PHC2: variants seen among roughly 807,000 people sequenced by gnomAD.
The protein encoded by PHC2 is polyhomeotic homolog 2.
In PHC2, 29 loss-of-function variants were observed where a neutral mutation model predicts 87.4. The observed-to-expected ratio is 0.33, with a 90% CI of 0.25 to 0.45. The LOEUF (loss-of-function observed/expected upper bound fraction) is 0.45, where lower values mean the gene tolerates loss of function less well. Ranked by LOEUF, PHC2 falls within the 20% of genes least tolerant of loss-of-function variation. The pLI is 1.00. For synonymous variants in PHC2, 438 were observed against 461.7 expected (o/e 0.95, Z 0.66); for missense variants, 857 against 1,136.7 (o/e 0.75, Z 3.54).
chr1:33,352,445 G>A (rs577929867), intron 9 of PHC2, among the ~76,000 whole-genome samples: 25 of 152,232 alleles, frequency 1.6e-4, no homozygotes, highest in Admixed American at 7.8e-4. Flanking sequence ...ACCTCAGAGG[G>A]TTATTGTCAG....
chr1:33,341,071 G>T (rs1646735895), intron 9 of PHC2, among the ~76,000 whole-genome samples: 3 of 152,118 alleles, frequency 2.0e-5, no homozygotes, highest in South Asian at 2.1e-4. Flanking sequence ...GTCACAAAAG[G>T]TCACAAAAAA....
intron 1 of PHC2, among the ~76,000 whole-genome samples, chr1:33,383,964 A>G (rs1222469369): frequency 6.6e-6 from 1 of 152,158 alleles, no homozygotes; most frequent in Non-Finnish European, 1.5e-5. Context: ...GAACGGTAAC[A>G]TGATACATTT....
chr1:33,365,605 T>C (rs1391072924), intron 7 of PHC2, among the ~76,000 whole-genome samples: 1 of 152,226 alleles, frequency 6.6e-6, no homozygotes, highest in Non-Finnish European at 1.5e-5. Flanking sequence ...TCACTTTCTT[T>C]TTCCATAAAA....
intron 1 of PHC2, among the ~76,000 whole-genome samples, chr1:33,410,347 C>T (rs1649932635): frequency 6.6e-6 from 1 of 152,180 alleles, no homozygotes. Flanking sequence ...GAAGCCAGAG[C>T]CTCACTCCAT....
intron 4 of PHC2, 32 bp from the exon 5 acceptor site, chr1:33,370,617 G>A (rs1198387208): frequency 6.3e-7 from 1 of 1,589,140 alleles, no homozygotes; most frequent in South Asian, 1.1e-5. Context: ...GTAGGAGATA[G>A]GAGGTTCTGT....
chr1:33,356,874 G>C (rs1307020311), intron 7 of PHC2, among the ~76,000 whole-genome samples: 1 of 152,026 alleles, frequency 6.6e-6, no homozygotes, highest in South Asian at 2.1e-4. Flanking sequence ...CGGCCAGGCA[G>C]AGGCGCCCCC....
chr1:33,410,460 T>C (rs1029706623), intron 1 of PHC2, among the ~76,000 whole-genome samples: 2 of 152,022 alleles, frequency 1.3e-5, no homozygotes, highest in Non-Finnish European at 2.9e-5. Flanking sequence ...TGTAAAAGAG[T>C]TGATGAGAGC....
intron 1 of PHC2, among the ~76,000 whole-genome samples, chr1:33,427,238 C>T (rs1160250374): frequency 6.6e-6 from 1 of 152,160 alleles, no homozygotes; most frequent in East Asian, 1.9e-4. Flanking sequence ...TAGCACGATG[C>T]CTAGCACATA....
At chr1:33,409,165 G>GT (rs1438010913) in intron 1 of PHC2, among the ~76,000 whole-genome samples, 1 of 152,088 alleles carries the variant, frequency 6.6e-6, no homozygotes, top group Non-Finnish European at 1.5e-5. Context: ...TTTTACATAG[G>GT]TTTTAACCCA....
chr1:33,380,027 C>A (rs563718004), intron 1 of PHC2, among the ~76,000 whole-genome samples: 22 of 152,338 alleles, frequency 1.4e-4, no homozygotes, highest in African/African-American at 5.3e-4. Context: ...TCTCTTACTT[C>A]TTGGATAGTG....
At chr1:33,351,882 G>A (rs1051750108) in intron 9 of PHC2, among the ~76,000 whole-genome samples, 4 of 150,082 alleles carry the variant, frequency 2.7e-5, no homozygotes, top group African/African-American at 7.3e-5. Context: ...AACCCGGGAG[G>A]TGTAGATTGC....
At position 33,329,100 on chromosome 1, in the gene PHC2, G is replaced by T. The variant is rs750569019; in HGVS notation, c.2195C>A (p.Thr732Lys). 1.2e-6 allele frequency: 2 copies of T among 1,614,186 alleles called. No homozygotes were observed. Among genetic ancestry groups the T allele is most frequent in the Admixed American group, 3.3e-5 (2 of 60,030 alleles). ...PLSVTAALQL[T>K]HSQEDSSRCS... is the part of the protein sequence containing the mutation. ...ACGGCTGGAGTCTTCCTGGCTGTGT[G>T]TTAGCTGCAAAGCAGCAGTAACCGA... is the stretch of plus-strand genomic sequence containing the variant. The change falls in exon 14 of 15, where the codon ACA becomes AAA. Residue 732 changes from threonine (T) to lysine (K), a missense_variant. Thr to Lys is a moderately conservative substitution (Grantham distance 78, BLOSUM62 -1). Transcript: ENST00000683057.
chr1:33,343,387 T>C (rs569184702), intron 9 of PHC2, among the ~76,000 whole-genome samples: 83 of 150,122 alleles, frequency 5.5e-4, no homozygotes, highest in Non-Finnish European at 1.0e-3. Flanking sequence ...GGAGAATTGC[T>C]TGAACCCTGG....
chr1:33,420,888 G>A (rs181967676), intron 1 of PHC2, among the ~76,000 whole-genome samples: 27 of 152,308 alleles, frequency 1.8e-4, no homozygotes, highest in Admixed American at 1.0e-3. Context: ...TGTGTTTACA[G>A]GTGTAAGCCA....
chr1:33,413,799 T>G (rs946090894), intron 1 of PHC2, among the ~76,000 whole-genome samples: 1 of 152,198 alleles, frequency 6.6e-6, no homozygotes, highest in African/African-American at 2.4e-5. Flanking sequence ...ATGTAAACCA[T>G]GAACTTCAAA....
chr1:33,375,435 A>ACCACTG lies in PHC2; in HGVS notation c.99_104dup (p.Ser34_Gly35dup), dbSNP rs745890317. 6.8e-6 allele frequency: 11 copies of ACCACTG among 1,612,092 alleles called. No homozygotes were observed. In the South Asian group the frequency reaches 1.2e-4, roughly 18 times the overall value. On this transcript the variant is annotated inframe_insertion, in exon 2 of 15. Transcript: ENST00000683057. ...GGGGCCCGGTGGGGCGGCCACTTCC[A>ACCACTG]CCACTGCTGCTGTTGTTGCAGCCAC...
rs1646327841 is a variant in PHC2 at position 33,324,380 on chromosome 1, G to C, written c.*485C>G. The C allele has an allele frequency of 6.5e-6, 1 of 153,366 alleles. No homozygotes were observed. Among genetic ancestry groups the C allele is most frequent in the South Asian group, 2.0e-4 (1 of 4,930 alleles). 9.5% of individuals were successfully genotyped at this position (153,366 alleles called of 1,614,324 possible). A position where few individuals can be genotyped will look rare whatever the true frequency, so the allele number is the denominator to read the frequency against. On this transcript the variant is annotated 3_prime_UTR_variant, in exon 15 of 15. Coordinates refer to ENST00000683057, the MANE Select transcript of PHC2 (RefSeq NM_001385109.1). ...CAGAGGGTGTAGGGGGGAGAACCCT[G>C]GCTGCTGCAGAAACAGGCTGAAGGG...
At chr1:33,422,555 T>A (rs1357620029) in intron 1 of PHC2, among the ~76,000 whole-genome samples, 1 of 152,160 alleles carries the variant, frequency 6.6e-6, no homozygotes, top group East Asian at 1.9e-4. Context: ...GAAACCAAAT[T>A]TTTGGCTGGT....
chr1:33,329,568 T>G (rs1344071411), intron 13 of PHC2, among the ~76,000 whole-genome samples: 1 of 152,202 alleles, frequency 6.6e-6, no homozygotes, highest in Non-Finnish European at 1.5e-5. Flanking sequence ...AAGGCGAGAC[T>G]GTGTCCTTAG....
Sources: allele counts gnomAD v4.1 joint callset (sites outside exome capture counted in the v4.1 genomes callset), GRCh38; gene constraint gnomAD v4.1.1; transcripts MANE v1.5; gene names NCBI Gene and HGNC (gene_info 2026-07-23, HGNC 2026-07-21).